AFF1: variants seen among roughly 807,000 people sequenced by gnomAD.
AFF1 encodes the protein ALF transcription elongation factor 1.
Under a neutral mutation model 121.7 loss-of-function variants are expected in AFF1, and 48 were observed. The observed-to-expected ratio is 0.39, with a 90% confidence interval of 0.31 to 0.50. The LOEUF (loss-of-function observed/expected upper bound fraction) is 0.50, where lower values mean the gene tolerates loss of function less well. Ranked by LOEUF, AFF1 falls within the 20% of genes least tolerant of loss-of-function variation. The probability of loss-of-function intolerance (pLI) is 0.76; values close to 1 mark genes in which losing one functional copy is unlikely to be tolerated. For synonymous variants in AFF1, 613 were observed against 563.0 expected (o/e 1.09, Z -1.26); for missense variants, 1,523 against 1,511.7 (o/e 1.01, Z -0.12).
At chr4:86,979,617 T>C (rs1482748247) in intron 2 of AFF1, among the ~76,000 whole-genome samples, 1 of 152,246 alleles carries the variant, frequency 6.6e-6, no homozygotes, top group African/African-American at 2.4e-5. Context: ...TCAGAACAGC[T>C]ACACTTTTAA....
At chr4:87,112,553 C>T (rs1330947656) in intron 11 of AFF1, among the ~76,000 whole-genome samples, 1 of 152,204 alleles carries the variant, frequency 6.6e-6, no homozygotes. Flanking sequence ...TCTACCTGAT[C>T]CTTTTATTAC....
At chr4:87,131,319 AG>A in intron 17 of AFF1, 100 bp downstream of exon 17, 1 of 1,467,200 alleles carries the variant, frequency 6.8e-7, no homozygotes, top group Non-Finnish European at 9.2e-7. Flanking sequence ...GGCTCAATAA[AG>A]GGGAGCCTTA....
chr4:87,102,947 GGAC>G (rs1187388324), intron 8 of AFF1, among the ~76,000 whole-genome samples: 1 of 152,088 alleles, frequency 6.6e-6, no homozygotes, highest in Non-Finnish European at 1.5e-5. Flanking sequence ...GACAGGCAGA[GGAC>G]CTTAGCCTCT....
At chr4:87,107,570 G>C (rs1171446036) in intron 10 of AFF1, among the ~76,000 whole-genome samples, 1 of 152,178 alleles carries the variant, frequency 6.6e-6, no homozygotes, top group Non-Finnish European at 1.5e-5. Context: ...ATATTTAGTG[G>C]TCTTTGGCTA....
intron 2 of AFF1, among the ~76,000 whole-genome samples, chr4:87,004,227 T>A (rs1725921972): frequency 6.6e-6 from 1 of 152,238 alleles, no homozygotes; most frequent in South Asian, 2.1e-4. Context: ...ACACCTTTAA[T>A]TAAAAGAAGG....
At chr4:87,064,383 A>C (rs1721120291) in intron 4 of AFF1, among the ~76,000 whole-genome samples, 1 of 152,218 alleles carries the variant, frequency 6.6e-6, no homozygotes, top group Non-Finnish European at 1.5e-5. Context: ...AGGAAGCTGG[A>C]ATGTCCCAAG....
At chr4:87,002,810 A>G (rs1725829756) in intron 2 of AFF1, among the ~76,000 whole-genome samples, 1 of 152,142 alleles carries the variant, frequency 6.6e-6, no homozygotes, top group Non-Finnish European at 1.5e-5. Flanking sequence ...AAATCTGCGG[A>G]GCCTCACGTG....
chr4:87,084,920 C>T (rs550898118), intron 5 of AFF1, among the ~76,000 whole-genome samples: 13 of 152,268 alleles, frequency 8.5e-5, no homozygotes, highest in Non-Finnish European at 8.8e-5. Context: ...TACCTCTTGG[C>T]GTTCTGTAGG....
chr4:87,090,102 T>A, intron 6 of AFF1, 32 bp downstream of exon 6: 1 of 1,550,050 alleles, frequency 6.5e-7, no homozygotes, highest in Non-Finnish European at 8.9e-7. Flanking sequence ...AGGCATTGCA[T>A]CCACCTTAGT....
chr4:86,991,854 T>A (rs72877904), intron 2 of AFF1, among the ~76,000 whole-genome samples: 8,506 of 148,534 alleles, frequency 0.057, 435 homozygotes, highest in African/African-American at 0.13. Context: ...TTTTTTTTTT[T>A]ACATCCTTTT....
chr4:87,114,875 G>A lies in AFF1; in HGVS notation c.2042G>A (p.Ser681Asn). 6.2e-7 allele frequency: 1 copy of A among 1,613,844 alleles called. No homozygotes were observed. Among genetic ancestry groups the A allele is most frequent in the Admixed American group, 1.7e-5 (1 of 59,970 alleles). Residue 681 changes from serine to asparagine, a missense_variant, in exon 12 of 21, where the codon AGC becomes AAC. This residue lies in a region of AFF1 where 905 missense variants were observed against 842.5 expected (regional missense o/e 1.07). Coordinates refer to ENST00000395146, the MANE Select transcript of AFF1 (RefSeq NM_001166693.3). ...PPSSEKKKHK[S>N]SLPAPSKALS... ...TCCAGTGAGAAGAAGAAGCACAAGA[G>A]CTCCCTCCCTGCCCCCTCTAAGGCT...
intron 2 of AFF1, among the ~76,000 whole-genome samples, chr4:86,989,615 G>C (rs1178463229): frequency 6.6e-6 from 1 of 152,160 alleles, no homozygotes; most frequent in Non-Finnish European, 1.5e-5. Flanking sequence ...AAGACAGTGT[G>C]GTGATTCCTC....
intron 2 of AFF1, among the ~76,000 whole-genome samples, chr4:87,013,032 C>T (rs1379892835): frequency 5.4e-4 from 50 of 93,456 alleles, no homozygotes; most frequent in African/African-American, 1.8e-3. Context: ...CTATCAAGTT[C>T]TTTTTTTTTT....
At chr4:86,996,901 C>T (rs1250424136) in intron 2 of AFF1, among the ~76,000 whole-genome samples, 1 of 152,010 alleles carries the variant, frequency 6.6e-6, no homozygotes, top group African/African-American at 2.4e-5. Context: ...GAACTGGTGG[C>T]TTTTAATTTA....
chr4:86,998,611 A>C (rs1215834904), intron 2 of AFF1, among the ~76,000 whole-genome samples: 1 of 152,140 alleles, frequency 6.6e-6, no homozygotes, highest in Non-Finnish European at 1.5e-5. Context: ...ACTAACAAAC[A>C]TACTGTATTG....
rs915639762 is a variant in AFF1, at chr4:87,137,459, A to G, written c.*1758A>G. On this transcript the variant is annotated 3_prime_UTR_variant, in exon 21 of 21. Transcript: ENST00000395146. ...GTGGTCTGTGTGAGGCTGTTCCTTC[A>G]GTTTCTTCTCCAGACTGTTCTTTGG... 6 of 230,450 alleles carry G rather than the reference A, an allele frequency of 2.6e-5. No homozygotes were observed. The Admixed American group carries it at 2.8e-4, about 11-fold the overall frequency. 14.3% of individuals were successfully genotyped at this position (230,450 alleles called of 1,614,324 possible). A position where few individuals can be genotyped will look rare whatever the true frequency, so the allele number is the denominator to read the frequency against.
chr4:86,983,397 A>G (rs983431191), intron 2 of AFF1, among the ~76,000 whole-genome samples: 10 of 151,970 alleles, frequency 6.6e-5, no homozygotes, highest in African/African-American at 2.2e-4. Flanking sequence ...ATGGTGGCAC[A>G]TGCCTGTAGT....
intron 2 of AFF1, among the ~76,000 whole-genome samples, chr4:86,995,808 G>T (rs1012683739): frequency 9.4e-5 from 14 of 149,064 alleles, no homozygotes; most frequent in Admixed American, 2.7e-4. Flanking sequence ...CTGCCTGGCT[G>T]CCCAGTCTGG....
At chr4:86,944,430 G>A (rs548306183) in intron 1 of AFF1, among the ~76,000 whole-genome samples, 7 of 151,108 alleles carry the variant, frequency 4.6e-5, no homozygotes, top group Admixed American at 2.6e-4. Flanking sequence ...GCAGTGGCGC[G>A]ATCTCAGCTC....
Sources: allele counts gnomAD v4.1 joint callset (sites outside exome capture counted in the v4.1 genomes callset), GRCh38; gene constraint gnomAD v4.1.1; regional missense constraint gnomAD v4.1.1; transcripts MANE v1.5; gene names NCBI Gene and HGNC (gene_info 2026-07-23, HGNC 2026-07-21).